Variants in TBC1D12 observed in about 807,000 individuals in gnomAD.
TBC1D12 encodes TBC1 domain family, member 12.
In TBC1D12, 56 loss-of-function variants were observed where a neutral mutation model predicts 86.7. That is an observed-to-expected ratio of 0.65 (90% CI 0.52 to 0.81). The LOEUF (loss-of-function observed/expected upper bound fraction) is 0.81, where lower values mean the gene tolerates loss of function less well. Among genes scored for constraint, TBC1D12 ranks in the 30% least tolerant of loss-of-function variants. The probability of loss-of-function intolerance (pLI) is 0.00; values close to 1 mark genes in which losing one functional copy is unlikely to be tolerated. For missense variants in TBC1D12, 1,023 were observed against 1,038.8 expected (o/e 0.98, Z 0.21); for synonymous variants, 421 against 411.7 (o/e 1.02, Z -0.27).
chr10:94,511,539 G>A (rs2056527086), intron 8 of TBC1D12, 44 bp from the exon 9 acceptor site: 1 of 1,221,186 alleles, frequency 8.2e-7, no homozygotes, highest in African/African-American at 1.5e-5. Context: ...TTAACTTAGA[G>A]AAAATTATTT....
intron 3 of TBC1D12, among the ~76,000 whole-genome samples, chr10:94,483,830 G>C (rs928916565): frequency 2.0e-5 from 3 of 151,878 alleles, no homozygotes; most frequent in African/African-American, 4.8e-5. Context: ...GTGCTTGTGA[G>C]GTATTAATCA....
intron 2 of TBC1D12, among the ~76,000 whole-genome samples, chr10:94,444,227 ATT>A (rs79421771): frequency 1.4e-5 from 2 of 144,070 alleles, no homozygotes; most frequent in Admixed American, 7.0e-5. Context: ...ATTTATGTGT[ATT>A]TTTTTTTTTT....
chr10:94,453,662 C>T (rs2055585307), intron 2 of TBC1D12, among the ~76,000 whole-genome samples: 1 of 152,002 alleles, frequency 6.6e-6, no homozygotes, highest in Non-Finnish European at 1.5e-5. Context: ...TAGATCATGC[C>T]TTTAGTGTTG....
chr10:94,451,281 A>G (rs1403724707), intron 2 of TBC1D12, among the ~76,000 whole-genome samples: 3 of 152,138 alleles, frequency 2.0e-5, no homozygotes, highest in Non-Finnish European at 2.9e-5. Flanking sequence ...AAACATCACT[A>G]TGTATCCCAT....
In TBC1D12 at chr10:94,438,255, T is replaced by C. The variant is rs144425983; in HGVS notation, c.972-3641T>C. Among the ~76,000 whole-genome samples the C allele has an allele frequency of 2.0e-5, 3 of 152,214 alleles. No homozygotes were observed. The East Asian group carries it at 5.8e-4, about 29-fold the overall frequency. On this transcript the variant is annotated intron_variant, in intron 1 of 12. Transcript: ENST00000225235. ...GCTTGTTGAGGGCTGAAGCCACCTG[T>C]TTGTGACTTTACAAGCTATTTTCAC...
At chr10:94,508,268 G>T (rs1213228737) in intron 7 of TBC1D12, among the ~76,000 whole-genome samples, 1 of 151,020 alleles carries the variant, frequency 6.6e-6, no homozygotes, top group South Asian at 2.1e-4. Flanking sequence ...TTTTTGGTGG[G>T]GGATAGATAT....
chr10:94,515,720 A>G (rs1435432410), intron 9 of TBC1D12, among the ~76,000 whole-genome samples: 1 of 152,212 alleles, frequency 6.6e-6, no homozygotes, highest in Non-Finnish European at 1.5e-5. Flanking sequence ...TTTTTTCTGT[A>G]CATACATACC....
intron 2 of TBC1D12, among the ~76,000 whole-genome samples, chr10:94,465,909 C>T (rs1302231104): frequency 6.7e-6 from 1 of 149,886 alleles, no homozygotes; most frequent in Admixed American, 6.7e-5. Flanking sequence ...CGCATATATA[C>T]ATATATACGT....
chr10:94,444,709 C>A (rs1233984662), intron 2 of TBC1D12, among the ~76,000 whole-genome samples: 1 of 150,928 alleles, frequency 6.6e-6, no homozygotes, highest in Non-Finnish European at 1.5e-5. Context: ...ATTTTCATTT[C>A]GGAAAGCCAA....
chr10:94,507,112 G>A (rs1357597797), intron 6 of TBC1D12, among the ~76,000 whole-genome samples, 155 bp from the exon 7 acceptor site: 1 of 152,154 alleles, frequency 6.6e-6, no homozygotes, highest in South Asian at 2.1e-4. Flanking sequence ...ATAATGAATA[G>A]TTTTGGTAGA....
chr10:94,481,045 C>CT (rs769709070), intron 3 of TBC1D12, among the ~76,000 whole-genome samples: 21,491 of 126,924 alleles, frequency 0.17, 1,981 homozygotes, highest in Middle Eastern at 0.23. Context: ...TGAAAGGAAT[C>CT]TTTTTTTTTT....
chr10:94,403,650 G>A, intron 1 of TBC1D12, 66 bp downstream of exon 1: 1 of 1,298,374 alleles, frequency 7.7e-7, no homozygotes, highest in Non-Finnish European at 9.8e-7. Flanking sequence ...GGGTCTTGGT[G>A]GGAGTCGGAG....
chr10:94,444,248 CTAAG>C (rs1029982030), intron 2 of TBC1D12, among the ~76,000 whole-genome samples: 7 of 146,328 alleles, frequency 4.8e-5, no homozygotes, highest in African/African-American at 7.5e-5. Flanking sequence ...TTAGCAGTTA[CTAAG>C]TGTTAGGAAA....
chr10:94,501,860 T>C (rs1034189005), intron 6 of TBC1D12, among the ~76,000 whole-genome samples: 2 of 151,736 alleles, frequency 1.3e-5, no homozygotes, highest in Non-Finnish European at 2.9e-5. Context: ...CAGAGTAGTT[T>C]TGATGAGTTT....
At chr10:94,525,693 C>A (rs1842270007) in intron 11 of TBC1D12, among the ~76,000 whole-genome samples, 1 of 148,538 alleles carries the variant, frequency 6.7e-6, no homozygotes, top group African/African-American at 2.5e-5. Context: ...AACAAAAAAA[C>A]CGTAATTGCA....
chr10:94,463,588 A>C (rs917169241), intron 2 of TBC1D12, among the ~76,000 whole-genome samples: 1 of 152,306 alleles, frequency 6.6e-6, no homozygotes, highest in East Asian at 1.9e-4. Flanking sequence ...CACACTGGGG[A>C]TTAAATTTCA....
intron 3 of TBC1D12, among the ~76,000 whole-genome samples, chr10:94,479,295 A>T: frequency 6.6e-6 from 1 of 152,166 alleles, no homozygotes; most frequent in East Asian, 1.9e-4. Flanking sequence ...TGAAAACTAT[A>T]TTTAGCTTCT....
At chr10:94,437,059 AT>A (rs201479382) in intron 1 of TBC1D12, among the ~76,000 whole-genome samples, 95 of 147,872 alleles carry the variant, frequency 6.4e-4, no homozygotes, top group African/African-American at 1.6e-3. Flanking sequence ...TTGGTGGACA[AT>A]TTTTTTTTTT....
intron 2 of TBC1D12, among the ~76,000 whole-genome samples, chr10:94,445,087 G>A (rs2055440448): frequency 6.7e-6 from 1 of 150,276 alleles, no homozygotes; most frequent in African/African-American, 2.4e-5. Flanking sequence ...TGGGCCGGGA[G>A]CGGTGGCTCA....
Sources: allele counts gnomAD v4.1 joint callset (sites outside exome capture counted in the v4.1 genomes callset), GRCh38; gene constraint gnomAD v4.1.1; transcripts MANE v1.5; gene names NCBI Gene and HGNC (gene_info 2026-07-23, HGNC 2026-07-21).